Variants in SCAF8 observed in about 807,000 individuals in gnomAD.
SCAF8 encodes the protein SR-related and CTD-associated factor 8.
A neutral mutation model predicts 140.5 loss-of-function variants in SCAF8; 23 were observed. That is an observed-to-expected ratio of 0.16 (90% CI 0.12 to 0.23). The LOEUF (loss-of-function observed/expected upper bound fraction) is 0.23, where lower values mean the gene tolerates loss of function less well. Among genes scored for constraint, SCAF8 ranks in the 10% least tolerant of loss-of-function variants. SCAF8 has a pLI of 1.00. For missense variants in SCAF8, 1,397 were observed against 1,555.7 expected (o/e 0.90, Z 1.72); for synonymous variants, 575 against 528.9 (o/e 1.09, Z -1.20).
At chr6:154,734,664 T>A (rs181683982) in intron 1 of SCAF8, among the ~76,000 whole-genome samples, 7 of 152,300 alleles carry the variant, frequency 4.6e-5, no homozygotes, top group Admixed American at 3.9e-4. Context: ...AAAAAGCAGA[T>A]TCCATTTTCA....
intron 10 of SCAF8, 28 bp downstream of exon 10, chr6:154,808,229 A>G (rs1283733195): frequency 1.3e-6 from 2 of 1,598,360 alleles, no homozygotes; most frequent in African/African-American, 2.7e-5. Context: ...TCTGGGTCAT[A>G]AATTTCTAAA....
At chr6:154,789,140 C>T (rs573549999) in intron 4 of SCAF8, among the ~76,000 whole-genome samples, 77 of 152,232 alleles carry the variant, frequency 5.1e-4, no homozygotes, top group African/African-American at 1.8e-3. Flanking sequence ...TGGAGTCTTG[C>T]TCTTGTCGCC....
At position 154,733,672 on chromosome 6, in the gene SCAF8, G is replaced by T. The variant is rs1028856246; in HGVS notation, c.-229G>T. ...GCCCCGGCAGCGCCTCTGTTCCCTA[G>T]AACGGCGCTCCCCCCGCCCTAGCGG... On this transcript the variant is annotated 5_prime_UTR_variant, in exon 1 of 20. Coordinates refer to ENST00000367178, the MANE Select transcript of SCAF8 (RefSeq NM_014892.5). 5 of 1,272,874 alleles carry T rather than the reference G, an allele frequency of 3.9e-6. No homozygotes were observed. In the African/African-American group the frequency reaches 7.9e-5, roughly 20 times the overall value. The allele number at this position is 1,272,874 out of a possible 1,614,324, so 78.8% of individuals were successfully genotyped here.
intron 12 of SCAF8, among the ~76,000 whole-genome samples, chr6:154,814,157 G>T (rs937267066): frequency 1.3e-5 from 2 of 152,112 alleles, no homozygotes; most frequent in Non-Finnish European, 2.9e-5. Flanking sequence ...CCACATCTCT[G>T]CTAAAGATAC....
rs552782822 is a variant in SCAF8 at position 154,832,358 on chromosome 6, C to T, written c.2779C>T (p.Arg927Cys). Residue 927 changes from arginine (R) to cysteine (C), a missense_variant, in exon 20 of 20, where the codon CGT (arginine) becomes TGT (cysteine). Physicochemically the swap from Arg to Cys is radical, Grantham distance 180. This residue lies in a region of SCAF8 where 930 missense variants were observed against 874.6 expected (regional missense o/e 1.06). Coordinates refer to ENST00000367178, the MANE Select transcript of SCAF8 (RefSeq NM_014892.5). The part of the protein sequence containing the change: ...RMPTMPMLDI[R>C]PGLIPQAPGP... ...GCCCACAATGCCAATGTTAGACATT[C>T]GTCCGGGACTAATACCACAGGCACC... 44 of 1,613,974 alleles carry T rather than the reference C, an allele frequency of 2.7e-5. No homozygotes were observed. In the Middle Eastern group the frequency reaches 6.6e-4, roughly 24 times the overall value.
At chr6:154,744,182 A>G (rs1309952591) in intron 1 of SCAF8, among the ~76,000 whole-genome samples, 1 of 152,044 alleles carries the variant, frequency 6.6e-6, no homozygotes, top group Non-Finnish European at 1.5e-5. Flanking sequence ...AATCCCAGCT[A>G]CTCAGGAGGC....
chr6:154,808,718 G>C lies in SCAF8; in HGVS notation c.1146G>C (p.Val382=). 2 of 1,613,516 alleles carry C rather than the reference G, an allele frequency of 1.2e-6. No homozygotes were observed. The highest frequency in any genetic ancestry group is 1.7e-6 in the Non-Finnish European group (2 of 1,179,480). The change falls in exon 11 of 20, where the codon GTG becomes GTC. Residue 382 remains valine (V), a synonymous_variant. Coordinates refer to ENST00000367178, the MANE Select transcript of SCAF8 (RefSeq NM_014892.5). ...DMDIDEGQDG[V]EEEVFEQEAK... Reference sequence around the variant, plus strand: ...ATATAGATGAAGGGCAAGATGGAGTGGAAGAGGAGGTCTTTGAACAAGAAG... The same window carrying C: ...ATATAGATGAAGGGCAAGATGGAGTCGAAGAGGAGGTCTTTGAACAAGAAG...
rs1004049723 is a variant in SCAF8, at chr6:154,833,290, T to C, written c.3711T>C (p.Tyr1237=). Residue 1237 remains tyrosine, a synonymous_variant, in exon 20 of 20, where the codon TAT becomes TAC. Transcript: ENST00000367178. Reference sequence around the variant, plus strand: ...CAGTACAGAATGATCCTGAACTTTATGAAAAACTGACATCTTCAAATGAAA... The same window carrying C: ...CAGTACAGAATGATCCTGAACTTTACGAAAAACTGACATCTTCAAATGAAA... The part of the protein sequence containing the change: ...PIPVQNDPEL[Y]EKLTSSNEIN... 3.4e-5 allele frequency: 55 copies of C among 1,613,914 alleles called. No individual in the cohort carries two copies. The highest frequency in any genetic ancestry group is 4.2e-5 in the Non-Finnish European group (50 of 1,179,996).
intron 3 of SCAF8, among the ~76,000 whole-genome samples, chr6:154,786,840 C>G (rs1224918912): frequency 6.6e-6 from 1 of 152,124 alleles, no homozygotes; most frequent in African/African-American, 2.4e-5. Context: ...GATGACTTAG[C>G]CAAGTTTTCC....
chr6:154,799,328 G>T lies in SCAF8; in HGVS notation c.607-2643G>T, dbSNP rs1016095731. Among the ~76,000 whole-genome samples the T allele has an allele frequency of 5.3e-5, 8 of 150,986 alleles. 1 individual carries two copies. The highest frequency in any genetic ancestry group is 1.9e-4 in the African/African-American group (8 of 41,280). ...GGATGTCACTATGTTGCCCAGGCTG[G>T]TCTCAGACTCCTGGCCTCAAGCAGT... On this transcript the variant is annotated intron_variant, in intron 6 of 19. Coordinates refer to ENST00000367178, the MANE Select transcript of SCAF8 (RefSeq NM_014892.5).
chr6:154,792,682 CAT>C (rs1583039479), intron 4 of SCAF8, 139 bp from the exon 5 acceptor site: 3 of 548,938 alleles, frequency 5.5e-6, no homozygotes, highest in South Asian at 3.4e-5. Context: ...ATGATAGAAA[CAT>C]AGAATTTTAG....
At chr6:154,788,142 A>AGACC in intron 4 of SCAF8, 120 bp downstream of exon 4, 2 of 810,594 alleles carry the variant, frequency 2.5e-6, no homozygotes, top group Non-Finnish European at 3.9e-6. Context: ...TTTCAATGAC[A>AGACC]GACCGCATAT....
chr6:154,834,111 AATT>A lies in SCAF8; in HGVS notation c.*724_*726del, dbSNP rs1486643477. 6.6e-6 allele frequency: 1 copy of A among 152,216 alleles called. No individual in the cohort carries two copies. Among genetic ancestry groups the A allele is most frequent in the African/African-American group, 2.4e-5 (1 of 41,450 alleles). 9.4% of individuals were successfully genotyped at this position (152,216 alleles called of 1,614,324 possible). ...TAACCTATAAATTCTTAAAACCTTG[AATT>A]ATTATTAGCATGTGCTTATTTTTTG... On this transcript the variant is annotated 3_prime_UTR_variant, in exon 20 of 20. Transcript: ENST00000367178.
chr6:154,755,231 A>T (rs559762045), intron 1 of SCAF8, among the ~76,000 whole-genome samples: 1 of 152,260 alleles, frequency 6.6e-6, no homozygotes, highest in African/African-American at 2.4e-5. Context: ...TTCATATAGT[A>T]GAACTAGGTA....
chr6:154,766,456 A>G (rs942626328), intron 1 of SCAF8, among the ~76,000 whole-genome samples: 2 of 152,160 alleles, frequency 1.3e-5, no homozygotes, highest in African/African-American at 2.4e-5. Context: ...GCAGTCTTGG[A>G]TAATTGTAAC....
chr6:154,790,527 T>C (rs1316200412), intron 4 of SCAF8, among the ~76,000 whole-genome samples: 3 of 94,510 alleles, frequency 3.2e-5, no homozygotes, highest in African/African-American at 1.4e-4. Flanking sequence ...TTTTTTTTTT[T>C]TGAGACGGAG....
At chr6:154,757,388 TA>T (rs1778993982) in intron 1 of SCAF8, among the ~76,000 whole-genome samples, 2 of 152,208 alleles carry the variant, frequency 1.3e-5, no homozygotes, top group African/African-American at 2.4e-5. Context: ...AGGGAAAAAT[TA>T]AGAGAAATTT....
At chr6:154,819,517 T>C (rs1778352790) in intron 14 of SCAF8, among the ~76,000 whole-genome samples, 1 of 152,008 alleles carries the variant, frequency 6.6e-6, no homozygotes, top group Non-Finnish European at 1.5e-5. Context: ...TTTGAGCCCA[T>C]GAAGTCAAGG....
chr6:154,794,781 GTGT>G (rs1562449878), intron 5 of SCAF8, among the ~76,000 whole-genome samples: 11 of 7,544 alleles, frequency 1.5e-3, no homozygotes, highest in South Asian at 6.8e-3. Flanking sequence ...GGTGTGGGGG[GTGT>G]GTGTGTGTGT....
Sources: allele counts gnomAD v4.1 joint callset (sites outside exome capture counted in the v4.1 genomes callset), GRCh38; gene constraint gnomAD v4.1.1; regional missense constraint gnomAD v4.1.1; transcripts MANE v1.5; gene names NCBI Gene and HGNC (gene_info 2026-07-23, HGNC 2026-07-21).